AJAP1: variants seen among roughly 807,000 people sequenced by gnomAD.
The protein encoded by AJAP1 is adherens junctions associated protein 1.
A neutral mutation model predicts 35.0 loss-of-function variants in AJAP1; 5 were observed. The ratio of observed to expected loss-of-function variants is 0.14; its 90% confidence interval spans 0.07 to 0.30. AJAP1 has a LOEUF of 0.30. AJAP1 is among the 10% of genes least tolerant of loss of function. The pLI is 1.00. For missense variants in AJAP1, 586 were observed against 571.0 expected, an observed-to-expected ratio of 1.03 and a Z score of -0.27; for synonymous variants, 284 against 249.3, an observed-to-expected ratio of 1.14 and a Z score of -1.31.
chr1:4,765,474 A>AGAGAGACATGAATGAAGAAG (rs1557645523), intron 2 of AJAP1, among the ~76,000 whole-genome samples: 4 of 148,502 alleles, frequency 2.7e-5, no homozygotes, highest in Non-Finnish European at 5.9e-5. Context: ...GAGAGTATTG[A>AGAGAGACATGAATGAAGAAG]GAGAGACATG....
At chr1:4,730,949 T>C (rs1640783187) in intron 2 of AJAP1, among the ~76,000 whole-genome samples, 1 of 152,220 alleles carries the variant, frequency 6.6e-6, no homozygotes, top group South Asian at 2.1e-4. Context: ...GGGTATGTCC[T>C]CTTAGTCTCA....
chr1:4,704,902 G>T (rs529401487), intron 1 of AJAP1, among the ~76,000 whole-genome samples: 1 of 152,288 alleles, frequency 6.6e-6, no homozygotes, highest in South Asian at 2.1e-4. Flanking sequence ...TTTCTCTGAT[G>T]GCCAATGATG....
chr1:4,703,461 G>A (rs1043705599), intron 1 of AJAP1, among the ~76,000 whole-genome samples: 15 of 152,194 alleles, frequency 9.9e-5, no homozygotes, highest in African/African-American at 3.6e-4. Flanking sequence ...AGGGGAAAGG[G>A]ATGGAAGTCT....
intron 1 of AJAP1, among the ~76,000 whole-genome samples, chr1:4,678,977 C>T (rs778294921): frequency 3.3e-5 from 5 of 152,192 alleles, no homozygotes; most frequent in Non-Finnish European, 7.3e-5. Flanking sequence ...CAGAGATGTT[C>T]AGTAACTTGC....
chr1:4,673,226 G>C (rs1398960838), intron 1 of AJAP1, among the ~76,000 whole-genome samples: 3 of 152,140 alleles, frequency 2.0e-5, no homozygotes, highest in Non-Finnish European at 4.4e-5. Flanking sequence ...GGGTTGGGGG[G>C]GTGTTTACAC....
chr1:4,727,736 T>C (rs144745815), intron 2 of AJAP1, among the ~76,000 whole-genome samples: 83 of 152,284 alleles, frequency 5.5e-4, no homozygotes, highest in African/African-American at 1.8e-3. Context: ...GATGGGACTC[T>C]CCCATGTTTA....
chr1:4,714,903 A>G (rs1640353880), intron 2 of AJAP1, among the ~76,000 whole-genome samples: 1 of 152,178 alleles, frequency 6.6e-6, no homozygotes, highest in South Asian at 2.1e-4. Context: ...ATGTAAATGA[A>G]TTAGACCAGA....
At position 4,655,319 on chromosome 1, in the gene AJAP1, A is replaced by G. The variant is rs1420520686; in HGVS notation, c.-107A>G. 2.0e-6 allele frequency: 2 copies of G among 991,776 alleles called. No homozygotes were observed. Among genetic ancestry groups the G allele is most frequent in the Non-Finnish European group, 2.6e-6 (2 of 775,244 alleles). 61.4% of individuals were successfully genotyped at this position (991,776 alleles called of 1,614,324 possible). On this transcript the variant is annotated 5_prime_UTR_variant, in exon 1 of 6. Transcript: ENST00000378191. This position sits in a 1 kb window ranked among gnomAD's most constrained non-coding sequence, Gnocchi z 6.9. ...GCCGGCGGGCGGCGGGAGGCGGCGGACCGAGAGCCGGAGACCGGCGCCGCG... is the reference window on the plus strand; with the variant it reads ...GCCGGCGGGCGGCGGGAGGCGGCGGGCCGAGAGCCGGAGACCGGCGCCGCG...
intron 1 of AJAP1, among the ~76,000 whole-genome samples, chr1:4,708,904 A>G (rs1301029142): frequency 6.6e-6 from 1 of 152,180 alleles, no homozygotes; most frequent in Non-Finnish European, 1.5e-5. Context: ...TCTCTGAACA[A>G]ATCAATCACT....
At chr1:4,713,284 AC>A (rs1426824212) in intron 2 of AJAP1, among the ~76,000 whole-genome samples, 1 of 152,130 alleles carries the variant, frequency 6.6e-6, no homozygotes, top group Non-Finnish European at 1.5e-5. Context: ...TGTTAACAGA[AC>A]CTTCGCAGAC....
intron 1 of AJAP1, among the ~76,000 whole-genome samples, chr1:4,696,605 C>A (rs79829446): frequency 3.9e-5 from 6 of 152,232 alleles, no homozygotes; most frequent in Admixed American, 3.9e-4. Flanking sequence ...GTGGCCAAGG[C>A]GGTGGGATTT....
intron 1 of AJAP1, among the ~76,000 whole-genome samples, chr1:4,708,465 G>T (rs759168003): frequency 3.9e-5 from 6 of 152,318 alleles, no homozygotes; most frequent in Non-Finnish European, 7.4e-5. Context: ...CCTATGGGGT[G>T]AGGCCCTCCC....
chr1:4,777,147 G>A (rs1392407829), intron 5 of AJAP1, among the ~76,000 whole-genome samples: 2 of 152,162 alleles, frequency 1.3e-5, no homozygotes, highest in East Asian at 3.9e-4. Flanking sequence ...AGCGTCGGGT[G>A]CAGAATAGCC....
At chr1:4,679,908 C>T (rs1316221758) in intron 1 of AJAP1, among the ~76,000 whole-genome samples, 2 of 151,480 alleles carry the variant, frequency 1.3e-5, no homozygotes, top group Non-Finnish European at 2.9e-5. Context: ...TGAGAATCCC[C>T]AAGATCTGCA....
At chr1:4,709,061 G>GA (rs770214100) in intron 1 of AJAP1, among the ~76,000 whole-genome samples, 25 of 152,256 alleles carry the variant, frequency 1.6e-4, no homozygotes, top group Non-Finnish European at 3.4e-4. Context: ...CATGATTGGT[G>GA]AAAAATCACA....
intron 2 of AJAP1, among the ~76,000 whole-genome samples, chr1:4,751,553 A>G (rs1028418944): frequency 6.6e-6 from 1 of 152,166 alleles, no homozygotes; most frequent in African/African-American, 2.4e-5. Flanking sequence ...TTCTCTGGAG[A>G]CACTGTCATG....
At chr1:4,685,862 T>G (rs996922210) in intron 1 of AJAP1, among the ~76,000 whole-genome samples, 17 of 152,208 alleles carry the variant, frequency 1.1e-4, no homozygotes, top group Admixed American at 1.1e-3. Flanking sequence ...ATCCAGAGGC[T>G]GCAGGGCTGG....
intron 2 of AJAP1, among the ~76,000 whole-genome samples, chr1:4,743,791 A>G (rs909881687): frequency 2.0e-5 from 3 of 152,188 alleles, no homozygotes; most frequent in Admixed American, 2.0e-4. Flanking sequence ...GCCGAGAACA[A>G]TCCCTGACTT....
In AJAP1 at chr1:4,689,846, G is replaced by A. The variant is rs563262734; in HGVS notation, c.30-22054G>A. 2.0e-5 allele frequency among the ~76,000 whole-genome samples: 3 copies of A among 152,350 alleles called. No homozygotes were observed. The East Asian group carries it at 5.8e-4, about 29-fold the overall frequency. ...GCCAAGGCCGCCCCCTCTCGCGGATGCCCAGCAGCAGAGGGGATGAGAGCC... is the reference window on the plus strand; with the variant it reads ...GCCAAGGCCGCCCCCTCTCGCGGATACCCAGCAGCAGAGGGGATGAGAGCC... On this transcript the variant is annotated intron_variant, in intron 1 of 5. Coordinates refer to ENST00000378191, the MANE Select transcript of AJAP1 (RefSeq NM_018836.4).
Sources: gnomAD v4.1 joint callset for allele counts (sites outside exome capture counted in the v4.1 genomes callset) on GRCh38, gnomAD v4.1.1 for gene constraint, Gnocchi (gnomAD v3.1) non-coding constraint, MANE v1.5 for transcripts, NCBI Gene and HGNC (gene_info 2026-07-23, HGNC 2026-07-21) for gene names.